SMCO2: variants seen among roughly 807,000 people sequenced by gnomAD.
SMCO2 encodes single-pass membrane protein with coiled-coil domains 2, also known as single-pass membrane and coiled-coil domain-containing protein 2.
In SMCO2, 25 loss-of-function variants were observed where a neutral mutation model predicts 29.5. The observed-to-expected ratio is 0.85, with a 90% CI of 0.62 to 1.18. The LOEUF (loss-of-function observed/expected upper bound fraction) is 1.18. Ranked by LOEUF, SMCO2 falls within the 50% of genes most tolerant of loss-of-function variation. The probability of loss-of-function intolerance (pLI) is 0.00; values close to 1 mark genes in which losing one functional copy is unlikely to be tolerated. For synonymous variants in SMCO2, 117 were observed against 123.3 expected (o/e 0.95, Z 0.34); for missense variants, 348 against 344.5 (o/e 1.01, Z -0.08).
intron 1 of SMCO2, among the ~76,000 whole-genome samples, chr12:27,469,881 T>G (rs1408596093): frequency 2.0e-5 from 3 of 152,206 alleles, no homozygotes; most frequent in Admixed American, 6.5e-5. Context: ...GGAAGGAAGG[T>G]TCCTGTTCTT....
the SMCO2 span, among the ~76,000 whole-genome samples, chr12:27,454,162 T>TG: frequency 6.6e-6 from 1 of 152,126 alleles, no homozygotes; most frequent in African/African-American, 2.4e-5. Flanking sequence ...TTTTTAAATT[T>TG]TTTGTAGAGA....
the SMCO2 span, among the ~76,000 whole-genome samples, chr12:27,429,868 T>G: frequency 1.3e-5 from 2 of 152,208 alleles, no homozygotes; most frequent in African/African-American, 4.8e-5. Flanking sequence ...TTTTATGTGG[T>G]TAAATATGTT....
intron 7 of SMCO2, among the ~76,000 whole-genome samples, chr12:27,500,215 T>C (rs543935880): frequency 6.6e-6 from 1 of 150,544 alleles, no homozygotes; most frequent in South Asian, 2.1e-4. Flanking sequence ...AATAGAAAAT[T>C]TAAATTTTTA....
chr12:27,449,931 G>C, the SMCO2 span, among the ~76,000 whole-genome samples: 30 of 152,122 alleles, frequency 2.0e-4, no homozygotes, highest in Non-Finnish European at 3.8e-4. Flanking sequence ...TGAAAGACTC[G>C]AGCAGGCAGC....
the SMCO2 span, among the ~76,000 whole-genome samples, chr12:27,442,823 T>G: frequency 6.6e-6 from 1 of 152,204 alleles, no homozygotes; most frequent in Non-Finnish European, 1.5e-5. Context: ...GGTCTCACTA[T>G]GTTGCCCAGG....
the SMCO2 span, among the ~76,000 whole-genome samples, chr12:27,428,082 A>G: frequency 6.6e-6 from 1 of 152,188 alleles, no homozygotes; most frequent in Non-Finnish European, 1.5e-5. Flanking sequence ...CATCAGAAAC[A>G]TCTCTGAACA....
chr12:27,474,728 C>G, intron 3 of SMCO2, 58 bp from the exon 4 acceptor site: 9 of 1,543,346 alleles, frequency 5.8e-6, no homozygotes, highest in Non-Finnish European at 7.9e-6. Flanking sequence ...GCTGGAAGAA[C>G]CACCACATCT....
chr12:27,466,051 G>A (rs1306015564), upstream of SMCO2, among the ~76,000 whole-genome samples: 1 of 152,140 alleles, frequency 6.6e-6, no homozygotes, highest in Non-Finnish European at 1.5e-5. Context: ...TGTTGTAAAA[G>A]TGTAATAATA....
chr12:27,498,588 T>A, intron 7 of SMCO2: 1 of 229,418 alleles, frequency 4.4e-6, no homozygotes, highest in Admixed American at 4.3e-5. Flanking sequence ...GTCCAAAGGA[T>A]GTAATCCTGC....
chr12:27,489,352 T>C (rs1197242972), intron 5 of SMCO2, among the ~76,000 whole-genome samples: 1 of 152,168 alleles, frequency 6.6e-6, no homozygotes, highest in Admixed American at 6.5e-5. Context: ...CCCAGCCTAA[T>C]GTTCCATTTT....
chr12:27,454,389 C>G, the SMCO2 span, among the ~76,000 whole-genome samples: 94 of 152,254 alleles, frequency 6.2e-4, no homozygotes, highest in African/African-American at 2.2e-3. Context: ...CCAATCATAT[C>G]TTCAGAGCAC....
the SMCO2 span, among the ~76,000 whole-genome samples, chr12:27,456,433 G>T: frequency 3.3e-5 from 5 of 152,088 alleles, no homozygotes; most frequent in African/African-American, 1.2e-4. Flanking sequence ...ATGAAAAACT[G>T]TTCTTAGTGT....
At chr12:27,469,412 G>C (rs1949523593) in intron 1 of SMCO2, among the ~76,000 whole-genome samples, 1 of 152,152 alleles carries the variant, frequency 6.6e-6, no homozygotes, top group East Asian at 1.9e-4. Flanking sequence ...TTCTGCCACA[G>C]AATGATCGAC....
chr12:27,425,163 C>T, the SMCO2 span: 1 of 151,704 alleles, frequency 6.6e-6, no homozygotes, highest in African/African-American at 2.4e-5. Context: ...TTCCAGTTCA[C>T]TTGTGCTCGT....
chr12:27,424,207 T>C, the SMCO2 span: 5 of 152,364 alleles, frequency 3.3e-5, no homozygotes, highest in African/African-American at 1.2e-4. Flanking sequence ...GTGGTTATTA[T>C]TGAAGTAGAC....
At chr12:27,484,626 C>G (rs1003924665) in intron 4 of SMCO2, among the ~76,000 whole-genome samples, 4 of 151,706 alleles carry the variant, frequency 2.6e-5, no homozygotes, top group African/African-American at 9.7e-5. Context: ...TTTCCTTGCT[C>G]TATTCCCAGC....
At chr12:27,449,825 T>C in the SMCO2 span, among the ~76,000 whole-genome samples, 1 of 152,192 alleles carries the variant, frequency 6.6e-6, no homozygotes, top group African/African-American at 2.4e-5. Flanking sequence ...TTTCCCCCAT[T>C]AGAGAACCAA....
the SMCO2 span, among the ~76,000 whole-genome samples, chr12:27,457,638 A>G: frequency 1.3e-5 from 2 of 152,234 alleles, no homozygotes; most frequent in East Asian, 1.9e-4. Flanking sequence ...GTTTCAGGCA[A>G]CGTGTGGGCT....
upstream of SMCO2, among the ~76,000 whole-genome samples, chr12:27,464,347 C>T (rs1390320026): frequency 6.6e-6 from 1 of 152,022 alleles, no homozygotes; most frequent in East Asian, 1.9e-4. Flanking sequence ...CAGGGGCTGG[C>T]AGAGTGGGAA....
Sources: allele counts gnomAD v4.1 joint callset (sites outside exome capture counted in the v4.1 genomes callset), GRCh38; gene constraint gnomAD v4.1.1; transcripts MANE v1.5; gene names NCBI Gene and HGNC (gene_info 2026-07-23, HGNC 2026-07-21).